Variants in PARD6B observed in about 807,000 individuals in gnomAD.
PARD6B encodes the protein partitioning defective 6 homolog beta.
A neutral mutation model predicts 10.5 loss-of-function variants in PARD6B; 4 were observed. The observed-to-expected ratio is 0.38, with a 90% CI of 0.19 to 0.87. The LOEUF (loss-of-function observed/expected upper bound fraction) is 0.87, where lower values mean the gene tolerates loss of function less well. PARD6B is among the 40% of genes least tolerant of loss of function. The pLI is 0.41. For synonymous variants in PARD6B, 169 were observed against 170.4 expected, an observed-to-expected ratio of 0.99 and a Z score of 0.07; for missense variants, 396 against 470.6, an observed-to-expected ratio of 0.84 and a Z score of 1.47.
intron 2 of PARD6B, among the ~76,000 whole-genome samples, chr20:50,745,217 G>A (rs543835435): frequency 2.0e-5 from 3 of 152,268 alleles, no homozygotes; most frequent in Non-Finnish European, 2.9e-5. Flanking sequence ...ATCGCCCAAC[G>A]TCAGGAGTTC....
intron 2 of PARD6B, among the ~76,000 whole-genome samples, chr20:50,747,969 T>G (rs1018893512): frequency 1.3e-5 from 2 of 152,154 alleles, no homozygotes; most frequent in Admixed American, 6.5e-5. Flanking sequence ...ACCATTGAAC[T>G]TTATGCATAG....
rs2087471475 is a variant in PARD6B, at chr20:50,731,698, T to C, written c.-89T>C. The C allele has an allele frequency of 3.2e-6, 4 of 1,244,972 alleles. No individual in the cohort carries two copies. The Admixed American group carries it at 1.6e-4, about 50-fold the overall frequency. 77.1% of individuals were successfully genotyped at this position (1,244,972 alleles called of 1,614,324 possible). ...GAGGAGGCGCCCGGGCCGCAACCGCTTTCCGAGATCCCCAGTCGCGCACTC... is the reference window on the plus strand; with the variant it reads ...GAGGAGGCGCCCGGGCCGCAACCGCCTTCCGAGATCCCCAGTCGCGCACTC... On this transcript the variant is annotated 5_prime_UTR_variant, in exon 1 of 3. Coordinates refer to ENST00000371610, the MANE Select transcript of PARD6B (RefSeq NM_032521.3).
intron 2 of PARD6B, among the ~76,000 whole-genome samples, chr20:50,743,776 C>T (rs1225173424): frequency 6.6e-6 from 1 of 151,554 alleles, no homozygotes; most frequent in Non-Finnish European, 1.5e-5. Flanking sequence ...GTAGTCCCAG[C>T]TACTCGGAAG....
In PARD6B at chr20:50,750,954, ATTTTTTTTT is replaced by A. The variant is rs565068464; in HGVS notation, c.*490_*498del. 459 of 387,810 alleles carry A rather than the reference ATTTTTTTTT, an allele frequency of 1.2e-3. 1 individual carries two copies. The highest frequency in any genetic ancestry group is 2.8e-3 in the African/African-American group (76 of 27,468). 24.0% of individuals were successfully genotyped at this position (387,810 alleles called of 1,614,324 possible). On this transcript the variant is annotated 3_prime_UTR_variant, in exon 3 of 3. Transcript: ENST00000371610. ...CTCATGTTCCCAATATTTTATTTTG[ATTTTTTTTT>A]TTTTTTTTTTTTTTTTTTTTTTTAG...
chr20:50,748,041 A>C (rs1293471774), intron 2 of PARD6B, among the ~76,000 whole-genome samples: 1 of 152,240 alleles, frequency 6.6e-6, no homozygotes, highest in Admixed American at 6.5e-5. Context: ...AATGAAAATG[A>C]GAGATCAAGA....
chr20:50,749,160 G>A (rs1444210865), intron 2 of PARD6B, among the ~76,000 whole-genome samples: 2 of 152,102 alleles, frequency 1.3e-5, no homozygotes, highest in Admixed American at 1.3e-4. Flanking sequence ...TGGCTAACAC[G>A]GTGAAACCCC....
At chr20:50,734,142 T>C (rs1263617138) in intron 1 of PARD6B, among the ~76,000 whole-genome samples, 1 of 152,238 alleles carries the variant, frequency 6.6e-6, no homozygotes, top group Non-Finnish European at 1.5e-5. Flanking sequence ...TGAGTGTTTC[T>C]AGTATGTCTA....
rs1376320899 is a variant in PARD6B at position 50,750,668 on chromosome 20, C to G, written c.*180C>G. On this transcript the variant is annotated 3_prime_UTR_variant, in exon 3 of 3. Transcript: ENST00000371610. Reference sequence around the variant, plus strand: ...ATTGTTAATATAAACTTTGGTGGATCAGAGGTGAATTTAAGTCCAAAACAA... The same window carrying G: ...ATTGTTAATATAAACTTTGGTGGATGAGAGGTGAATTTAAGTCCAAAACAA... 3.6e-6 allele frequency: 5 copies of G among 1,383,008 alleles called. No individual in the cohort carries two copies. The African/African-American group carries it at 5.9e-5, about 16-fold the overall frequency. 85.7% of individuals were successfully genotyped at this position (1,383,008 alleles called of 1,614,324 possible).
chr20:50,743,871 A>G (rs1404392304), intron 2 of PARD6B, among the ~76,000 whole-genome samples: 1 of 150,132 alleles, frequency 6.7e-6, no homozygotes, highest in Admixed American at 6.6e-5. Flanking sequence ...CCTGGGCGAC[A>G]GAGCGAGACT....
At position 50,735,106 on chromosome 20, in the gene PARD6B, C is replaced by T. The variant is rs770195861; in HGVS notation, c.67-2751C>T. On this transcript the variant is annotated intron_variant, in intron 1 of 2. Coordinates refer to ENST00000371610, the MANE Select transcript of PARD6B (RefSeq NM_032521.3). The stretch of plus-strand genomic sequence containing the variant: ...CGGAGGTTGCAGTGAGCCGAGATTG[C>T]GCCACTGCACTTCAGAGCCTGGGTG... 1.2e-4 allele frequency among the ~76,000 whole-genome samples: 18 copies of T among 151,248 alleles called. No homozygotes were observed. In the East Asian group the frequency reaches 3.3e-3, roughly 28 times the overall value.
rs566959027 is a variant in PARD6B at position 50,743,090 on chromosome 20, A to T, written c.289+5011A>T. On this transcript the variant is annotated intron_variant, in intron 2 of 2. Coordinates refer to ENST00000371610, the MANE Select transcript of PARD6B (RefSeq NM_032521.3). ...TTATTGCTGTGCACTAAAAATTTTT[A>T]AAAAAATATTTAAAGCTTGCGCCTT... is the stretch of plus-strand genomic sequence containing the variant. Among the ~76,000 whole-genome samples, 178 of 152,292 alleles carry T rather than the reference A, an allele frequency of 1.2e-3. 2 individuals carry two copies. Among genetic ancestry groups the T allele is most frequent in the Non-Finnish European group, 3.8e-4 (26 of 68,024 alleles).
intron 2 of PARD6B, among the ~76,000 whole-genome samples, chr20:50,744,425 C>T (rs2087553057): frequency 6.6e-6 from 1 of 152,128 alleles, no homozygotes; most frequent in Non-Finnish European, 1.5e-5. Flanking sequence ...GCTGCAGTAG[C>T]TTCTTGTCCT....
rs1246137070 is a variant in PARD6B, at chr20:50,749,657, A to G, written c.290-2A>G. 1.3e-6 allele frequency: 2 copies of G among 1,559,212 alleles called. No homozygotes were observed. The highest frequency in any genetic ancestry group is 1.7e-6 in the Non-Finnish European group (2 of 1,158,656). ...TAATTATTTTGTTTTATTTTTAAAC[A>G]GAAGAAGCAGACTACAGTGCCTTTG... On this transcript the variant is annotated splice_acceptor_variant, in intron 2 of 2. Transcript: ENST00000371610. LOFTEE classifies it high-confidence loss of function.
chr20:50,731,913 C>A, intron 1 of PARD6B, 61 bp downstream of exon 1: 1 of 1,310,724 alleles, frequency 7.6e-7, no homozygotes, highest in Non-Finnish European at 9.7e-7. Context: ...TGGGAGAGGC[C>A]GGGCCAGGCT....
chr20:50,733,688 G>A (rs1006531604), intron 1 of PARD6B, among the ~76,000 whole-genome samples: 1 of 152,094 alleles, frequency 6.6e-6, no homozygotes, highest in African/African-American at 2.4e-5. Context: ...CCTTCTTATG[G>A]CATTTTTGTT....
In PARD6B at chr20:50,737,895, A is replaced by G. The variant is rs754300052; in HGVS notation, c.105A>G (p.Ser35=). Reference sequence around the variant, plus strand: ...TTCGTCGGTTTTCGCTGGAAAGATCAAAACCTGGAAAATTTGAGGAGTTTT... The same window carrying G: ...TTCGTCGGTTTTCGCTGGAAAGATCGAAACCTGGAAAATTTGAGGAGTTTT... ...AEFRRFSLER[S]KPGKFEEFYG... The change falls in exon 2 of 3, where the codon TCA becomes TCG. Residue 35 remains serine (S), a synonymous_variant. Transcript: ENST00000371610. The G allele has an allele frequency of 1.2e-6, 2 of 1,608,282 alleles. No individual in the cohort carries two copies. The highest frequency in any genetic ancestry group is 1.7e-6 in the Non-Finnish European group (2 of 1,177,508).
intron 2 of PARD6B, among the ~76,000 whole-genome samples, chr20:50,741,417 C>T (rs1408752894): frequency 6.6e-6 from 1 of 152,130 alleles, no homozygotes; most frequent in Non-Finnish European, 1.5e-5. Flanking sequence ...CACCTTCCCA[C>T]CTTTACCACA....
chr20:50,752,267 G>A lies in PARD6B; in HGVS notation c.*1779G>A. On this transcript the variant is annotated 3_prime_UTR_variant, in exon 3 of 3. Coordinates refer to ENST00000371610, the MANE Select transcript of PARD6B (RefSeq NM_032521.3). ...ATGCATCCAAGTATGCATCATTTTG[G>A]ATAAAAAATACATCCAAATTAAGAT... is the stretch of plus-strand genomic sequence containing the variant. 1.0e-6 allele frequency: 1 copy of A among 984,566 alleles called. No individual in the cohort carries two copies. The highest frequency in any genetic ancestry group is 1.2e-6 in the Non-Finnish European group (1 of 829,732). 61.0% of individuals were successfully genotyped at this position (984,566 alleles called of 1,614,324 possible).
In PARD6B at chr20:50,749,777, C is replaced by G; in HGVS notation, c.408C>G (p.Pro136=). The change falls in exon 3 of 3, where the codon CCC becomes CCG. Residue 136 remains proline, a synonymous_variant. Coordinates refer to ENST00000371610, the MANE Select transcript of PARD6B (RefSeq NM_032521.3). ...AGCCACATATAGTCATTAGTATGCC[C>G]CAAGACTTTAGACCTGTGTCTTCTA... ...RKKPHIVISM[P]QDFRPVSSII... 1 of 1,614,144 alleles carries G rather than the reference C, an allele frequency of 6.2e-7. No individual in the cohort carries two copies.
Sources: allele counts gnomAD v4.1 joint callset (sites outside exome capture counted in the v4.1 genomes callset), GRCh38; gene constraint gnomAD v4.1.1; transcripts MANE v1.5; gene names NCBI Gene and HGNC (gene_info 2026-07-23, HGNC 2026-07-21).